The following OR11L1 variants were observed in gnomAD, a reference collection of about 807,000 sequenced individuals.
OR11L1 encodes olfactory receptor family 11 subfamily L member 1, also known as olfactory receptor 11L1.
For missense variants in OR11L1, 397 were observed against 392.7 expected (o/e 1.01, Z -0.09); for synonymous variants, 164 against 159.1 (o/e 1.03, Z -0.23).
chr1:247,841,512 G>A lies in OR11L1; in HGVS notation c.385C>T (p.Pro129Ser). Residue 129 changes from proline to serine, a missense_variant, in exon 1 of 1, where the codon CCA becomes TCA. Pro to Ser is a moderately conservative substitution (Grantham distance 74, BLOSUM62 -1). Coordinates refer to ENST00000355784, the MANE Select transcript of OR11L1 (RefSeq NM_001001959.1). ...TGCATGAGGAAGGGGTAGCGGAGTG[G>A]GCTGCAGATGGCCAGGTAACGGTCA... ...AYDRYLAICS[P>S]LRYPFLMHRG... 6.2e-7 allele frequency: 1 copy of A among 1,614,058 alleles called. No individual in the cohort carries two copies. The highest frequency in any genetic ancestry group is 8.5e-7 in the Non-Finnish European group (1 of 1,179,970).
rs766949268 is a variant in OR11L1, at chr1:247,841,676, G to A, written c.221C>T (p.Thr74Met). The A allele has an allele frequency of 1.1e-5, 18 of 1,614,048 alleles. No homozygotes were observed. Among genetic ancestry groups the A allele is most frequent in the Admixed American group, 6.7e-5 (4 of 59,998 alleles). Residue 74 changes from threonine (T) to methionine (M), a missense_variant, in exon 1 of 1, where the codon ACG becomes ATG. Thr to Met is a moderately conservative substitution (Grantham distance 81, BLOSUM62 -1). Coordinates refer to ENST00000355784, the MANE Select transcript of OR11L1 (RefSeq NM_001001959.1). ...QHLSFLEVWY[T>M]STTVPLLLAN... ...TAGGAGAAGGGGCACAGTGGTGGAC[G>A]TGTACCAGACCTCCAGAAAGGAGAG...
At position 247,841,697 on chromosome 1, in the gene OR11L1, G is replaced by C. The variant is rs367831469; in HGVS notation, c.200C>G (p.Ser67Cys). 6.8e-5 allele frequency: 110 copies of C among 1,614,014 alleles called. No individual in the cohort carries two copies. Among genetic ancestry groups the C allele is most frequent in the Non-Finnish European group, 8.9e-5 (105 of 1,179,984 alleles). Residue 67 changes from serine to cysteine, a missense_variant, in exon 1 of 1, where the codon TCC becomes TGC. Transcript: ENST00000355784. ...SPMYMFLQHL[S>C]FLEVWYTSTT... Reference sequence around the variant, plus strand: ...GGACGTGTACCAGACCTCCAGAAAGGAGAGATGCTGGAGGAACATGTACAT... The same window carrying C: ...GGACGTGTACCAGACCTCCAGAAAGCAGAGATGCTGGAGGAACATGTACAT...
rs748585982 is a variant in OR11L1, at chr1:247,841,199, C to T, written c.698G>A (p.Gly233Asp). Residue 233 changes from glycine to aspartate, a missense_variant, in exon 1 of 1, where the codon GGC (glycine) becomes GAC (aspartate). Physicochemically the swap from Gly to Asp is moderately conservative, Grantham distance 94. Coordinates refer to ENST00000355784, the MANE Select transcript of OR11L1 (RefSeq NM_001001959.1). The part of the protein sequence containing the change: ...SSILRIPSTS[G>D]RRKTFSTCGS... ...ACATGTGGAAAAGGTCTTTCTCCGGCCAGAGGTGGAAGGGATTCTCAATAT... is the reference window on the plus strand; with the variant it reads ...ACATGTGGAAAAGGTCTTTCTCCGGTCAGAGGTGGAAGGGATTCTCAATAT... The T allele has an allele frequency of 1.2e-6, 2 of 1,614,070 alleles. No individual in the cohort carries two copies. The highest frequency in any genetic ancestry group is 2.2e-5 in the East Asian group (1 of 44,868).
In OR11L1 at chr1:247,841,252, C is replaced by T; in HGVS notation, c.645G>A (p.Leu215=). ...AGGACACAATGAAAACATAGGGCCC[C>T]AGTGTCAGAAAAAAACAAATGCACA... ...AVLCICFFLT[L]GPYVFIVSSI... The change falls in exon 1 of 1, where the codon CTG becomes CTA. Residue 215 remains leucine (L), a synonymous_variant. Transcript: ENST00000355784. 2.5e-6 allele frequency: 4 copies of T among 1,614,080 alleles called. No individual in the cohort carries two copies. Among genetic ancestry groups the T allele is most frequent in the Non-Finnish European group, 3.4e-6 (4 of 1,179,988 alleles).
chr1:247,841,859 T>C lies in OR11L1; in HGVS notation c.38A>G (p.Gln13Arg). Reference protein sequence around the residue: ...PQNTSTVTNFQLLGFQNLLEW... With the variant: ...PQNTSTVTNFRLLGFQNLLEW... Reference sequence around the variant, plus strand: ...AAGAAGGTTCTGGAATCCTAACAGCTGAAAGTTAGTCACAGTGGAGGTATT... The same window carrying C: ...AAGAAGGTTCTGGAATCCTAACAGCCGAAAGTTAGTCACAGTGGAGGTATT... The change falls in exon 1 of 1, where the codon CAG becomes CGG. Residue 13 changes from glutamine to arginine, a missense_variant. Gln to Arg is a conservative substitution (Grantham distance 43). Transcript: ENST00000355784. The C allele has an allele frequency of 3.1e-6, 5 of 1,613,806 alleles. No homozygotes were observed. The highest frequency in any genetic ancestry group is 4.2e-6 in the Non-Finnish European group (5 of 1,179,922).
Position 247,841,621 on chromosome 1 carries a change from G to A in OR11L1, c.276C>T (p.Ile92=). ...GCTGTGCCATGCAGGCAGAGAAGGA[G>A]ATGGCTTGGCCCCAGGACAGCAGGT... ...LANLLSWGQA[I]SFSACMAQLY... Residue 92 remains isoleucine, a synonymous_variant, in exon 1 of 1, where the codon ATC becomes ATT. Transcript: ENST00000355784. The A allele has an allele frequency of 6.2e-7, 1 of 1,614,178 alleles. No individual in the cohort carries two copies. The highest frequency in any genetic ancestry group is 1.1e-5 in the South Asian group (1 of 91,078).
Position 247,841,437 on chromosome 1 carries a change from T to A in OR11L1, c.460A>T (p.Ser154Cys). The A allele has an allele frequency of 6.2e-7, 1 of 1,614,194 alleles. No individual in the cohort carries two copies. Among genetic ancestry groups the A allele is most frequent in the African/African-American group, 1.3e-5 (1 of 75,052 alleles). Residue 154 changes from serine (S) to cysteine (C), a missense_variant, in exon 1 of 1, where the codon AGC becomes TGC. By Grantham distance (112) the Ser-to-Cys change is moderately radical (BLOSUM62 -1). Coordinates refer to ENST00000355784, the MANE Select transcript of OR11L1 (RefSeq NM_001001959.1). ...LVVVSWCTGV[S>C]TGFLPSLMIS... is the part of the protein sequence containing the mutation. ...ATCAGGGAAGGCAGAAAGCCTGTGC[T>A]GACCCCTGTGCACCAGGAGACCACC... is the stretch of plus-strand genomic sequence containing the variant.
Position 247,841,755 on chromosome 1 carries a change from C to T in OR11L1, c.142G>A (p.Val48Met), listed in dbSNP as rs371909713. 1.3e-4 allele frequency: 215 copies of T among 1,613,946 alleles called. 1 individual carries two copies. The highest frequency in any genetic ancestry group is 9.9e-4 in the Middle Eastern group (6 of 6,060). ...TIIGNVVIIT[V>M]VSQGLRLHSP... ...TGCAGTCGCAGGCCCTGGCTCACCACGGTGATGATGACAACATTCCCTATA... is the reference window on the plus strand; with the variant it reads ...TGCAGTCGCAGGCCCTGGCTCACCATGGTGATGATGACAACATTCCCTATA... Residue 48 changes from valine (V) to methionine (M), a missense_variant, in exon 1 of 1, where the codon GTG becomes ATG. Transcript: ENST00000355784.
In OR11L1 at chr1:247,841,055, A is replaced by T; in HGVS notation, c.842T>A (p.Val281Asp). The T allele has an allele frequency of 6.2e-7, 1 of 1,614,204 alleles. No individual in the cohort carries two copies. Among genetic ancestry groups the T allele is most frequent in the Non-Finnish European group, 8.5e-7 (1 of 1,180,038 alleles). The stretch of plus-strand genomic sequence containing the variant: ...GATAACTGGGTTCAGCAGTGGTGTG[A>T]CCACAGTGTAGAAGACAGAAATGAT... ...NKIISVFYTVVTPLLNPVIYS... is the reference protein window; with the variant it reads ...NKIISVFYTVDTPLLNPVIYS... Residue 281 changes from valine to aspartate, a missense_variant, in exon 1 of 1, where the codon GTC becomes GAC. Val to Asp is a radical substitution (Grantham distance 152, BLOSUM62 -3). Transcript: ENST00000355784.
chr1:247,841,230 A>G lies in OR11L1; in HGVS notation c.667T>C (p.Ser223Pro). Residue 223 changes from serine to proline, a missense_variant, in exon 1 of 1, where the codon TCC becomes CCC. Physicochemically the swap from Ser to Pro is moderately conservative, Grantham distance 74. Transcript: ENST00000355784. ...LTLGPYVFIV[S>P]SILRIPSTSG... ...GTGGAAGGGATTCTCAATATGGAGG[A>G]CACAATGAAAACATAGGGCCCCAGT... The G allele has an allele frequency of 1.2e-6, 2 of 1,614,168 alleles. No homozygotes were observed. The highest frequency in any genetic ancestry group is 1.6e-4 in the Middle Eastern group (1 of 6,062).
chr1:247,841,357 G>T lies in OR11L1; in HGVS notation c.540C>A (p.Asp180Glu), dbSNP rs1388707771. ...GRNQINHFFC[D>E]LPPLMQLSCS... The stretch of plus-strand genomic sequence containing the variant: ...AGGAGAGCTGCATGAGTGGCGGGAG[G>T]TCGCAGAAGAAATGGTTAATCTGAT... The change falls in exon 1 of 1, where the codon GAC becomes GAA. Residue 180 changes from aspartate (D) to glutamate (E), a missense_variant. By Grantham distance (45) the Asp-to-Glu change is conservative (BLOSUM62 2). Coordinates refer to ENST00000355784, the MANE Select transcript of OR11L1 (RefSeq NM_001001959.1). 3 of 1,614,134 alleles carry T rather than the reference G, an allele frequency of 1.9e-6. No homozygotes were observed. The highest frequency in any genetic ancestry group is 2.5e-6 in the Non-Finnish European group (3 of 1,179,972).
rs1307762716 is a variant in OR11L1, at chr1:247,841,414, C to T, written c.483G>A (p.Leu161=). The T allele has an allele frequency of 6.2e-7, 1 of 1,614,000 alleles. No homozygotes were observed. Among genetic ancestry groups the T allele is most frequent in the African/African-American group, 1.3e-5 (1 of 74,902 alleles). The change falls in exon 1 of 1, where the codon CTG becomes CTA. Residue 161 remains leucine, a synonymous_variant. Transcript: ENST00000355784. ...TGVSTGFLPS[L]MISRLDFCGR... ...CACAGAAGTCCAACCTGGAAATCAT[C>T]AGGGAAGGCAGAAAGCCTGTGCTGA...
At position 247,841,626 on chromosome 1, in the gene OR11L1, C is replaced by G; in HGVS notation, c.271G>C (p.Ala91Pro). The change falls in exon 1 of 1, where the codon GCC becomes CCC. Residue 91 changes from alanine to proline, a missense_variant. Coordinates refer to ENST00000355784, the MANE Select transcript of OR11L1 (RefSeq NM_001001959.1). ...GCCATGCAGGCAGAGAAGGAGATGG[C>G]TTGGCCCCAGGACAGCAGGTTGGCT... The part of the protein sequence containing the change: ...LLANLLSWGQ[A>P]ISFSACMAQL... 6.2e-7 allele frequency: 1 copy of G among 1,614,152 alleles called. No homozygotes were observed. The highest frequency in any genetic ancestry group is 1.1e-5 in the South Asian group (1 of 91,078).
In OR11L1 at chr1:247,841,779, T is replaced by C; in HGVS notation, c.118A>G (p.Ile40Val). ...ACGGTGATGATGACAACATTCCCTA[T>C]AATGGTCAGGCAGTAGATGAGCAGG... ...IFLLIYCLTIIGNVVIITVVS... is the reference protein window; with the variant it reads ...IFLLIYCLTIVGNVVIITVVS... The change falls in exon 1 of 1, where the codon ATA becomes GTA. Residue 40 changes from isoleucine to valine, a missense_variant. By Grantham distance (29) the Ile-to-Val change is conservative. Coordinates refer to ENST00000355784, the MANE Select transcript of OR11L1 (RefSeq NM_001001959.1). The C allele has an allele frequency of 6.2e-7, 1 of 1,614,076 alleles. No individual in the cohort carries two copies. The highest frequency in any genetic ancestry group is 8.5e-7 in the Non-Finnish European group (1 of 1,179,994).
At position 247,841,262 on chromosome 1, in the gene OR11L1, A is replaced by G. The variant is rs1663250843; in HGVS notation, c.635T>C (p.Phe212Ser). The G allele has an allele frequency of 1.2e-6, 2 of 1,614,108 alleles. No homozygotes were observed. Among genetic ancestry groups the G allele is most frequent in the Non-Finnish European group, 8.5e-7 (1 of 1,180,044 alleles). Residue 212 changes from phenylalanine (F) to serine (S), a missense_variant, in exon 1 of 1, where the codon TTT (phenylalanine) becomes TCT (serine). Coordinates refer to ENST00000355784, the MANE Select transcript of OR11L1 (RefSeq NM_001001959.1). ...GAAAACATAGGGCCCCAGTGTCAGA[A>G]AAAAACAAATGCACAGCACGGCAAT... Reference protein sequence around the residue: ...LSIAVLCICFFLTLGPYVFIV... With the variant: ...LSIAVLCICFSLTLGPYVFIV...
In OR11L1 at chr1:247,841,383, T is replaced by C; in HGVS notation, c.514A>G (p.Asn172Asp). 6.2e-7 allele frequency: 1 copy of C among 1,614,098 alleles called. No homozygotes were observed. The highest frequency in any genetic ancestry group is 8.5e-7 in the Non-Finnish European group (1 of 1,180,006). The change falls in exon 1 of 1, where the codon AAT becomes GAT. Residue 172 changes from asparagine to aspartate, a missense_variant. Coordinates refer to ENST00000355784, the MANE Select transcript of OR11L1 (RefSeq NM_001001959.1). ...MISRLDFCGR[N>D]QINHFFCDLP... is the part of the protein sequence containing the mutation. ...TCGCAGAAGAAATGGTTAATCTGAT[T>C]GCGCCCACAGAAGTCCAACCTGGAA...
Position 247,841,649 on chromosome 1 carries a change from G to A in OR11L1, c.248C>T (p.Ala83Val). Residue 83 changes from alanine (A) to valine (V), a missense_variant, in exon 1 of 1, where the codon GCC becomes GTC. Ala to Val is a moderately conservative substitution (Grantham distance 64, BLOSUM62 0). Coordinates refer to ENST00000355784, the MANE Select transcript of OR11L1 (RefSeq NM_001001959.1). ...YTSTTVPLLL[A>V]NLLSWGQAIS... ...GGCTTGGCCCCAGGACAGCAGGTTG[G>A]CTAGGAGAAGGGGCACAGTGGTGGA... is the stretch of plus-strand genomic sequence containing the variant. 4 of 1,614,202 alleles carry A rather than the reference G, an allele frequency of 2.5e-6. No homozygotes were observed. Among genetic ancestry groups the A allele is most frequent in the Non-Finnish European group, 3.4e-6 (4 of 1,180,028 alleles).
Position 247,841,433 on chromosome 1 carries a change from G to A in OR11L1, c.464C>T (p.Thr155Ile), listed in dbSNP as rs756519594. Residue 155 changes from threonine to isoleucine, a missense_variant, in exon 1 of 1, where the codon ACA becomes ATA. Physicochemically the swap from Thr to Ile is moderately conservative, Grantham distance 89. Transcript: ENST00000355784. ...AATCATCAGGGAAGGCAGAAAGCCT[G>A]TGCTGACCCCTGTGCACCAGGAGAC... is the stretch of plus-strand genomic sequence containing the variant. Reference protein sequence around the residue: ...VVVSWCTGVSTGFLPSLMISR... With the variant: ...VVVSWCTGVSIGFLPSLMISR... 2 of 1,614,226 alleles carry A rather than the reference G, an allele frequency of 1.2e-6. No individual in the cohort carries two copies. The highest frequency in any genetic ancestry group is 3.3e-5 in the Admixed American group (2 of 60,026).
In OR11L1 at chr1:247,841,764, T is replaced by G; in HGVS notation, c.133A>C (p.Ile45Leu). The G allele has an allele frequency of 6.2e-7, 1 of 1,614,064 alleles. No individual in the cohort carries two copies. Among genetic ancestry groups the G allele is most frequent in the Non-Finnish European group, 8.5e-7 (1 of 1,180,008 alleles). The change falls in exon 1 of 1, where the codon ATC (isoleucine) becomes CTC (leucine). Residue 45 changes from isoleucine to leucine, a missense_variant. Ile to Leu is a conservative substitution (Grantham distance 5). Transcript: ENST00000355784. ...YCLTIIGNVV[I>L]ITVVSQGLRL... ...AGGCCCTGGCTCACCACGGTGATGA[T>G]GACAACATTCCCTATAATGGTCAGG...
Sources: allele counts gnomAD v4.1 joint callset, GRCh38; gene constraint gnomAD v4.1.1; transcripts MANE v1.5; gene names NCBI Gene and HGNC (gene_info 2026-07-23, HGNC 2026-07-21).